TJP1: variants seen among roughly 807,000 people sequenced by gnomAD.
TJP1 encodes tight junction protein 1, also known as tight junction protein ZO-1.
Under a neutral mutation model 194.2 loss-of-function variants are expected in TJP1, and 43 were observed. That is an observed-to-expected ratio of 0.22 (90% CI 0.17 to 0.29). The LOEUF (loss-of-function observed/expected upper bound fraction) is 0.29. TJP1 is among the 10% of genes least tolerant of loss of function. The pLI is 1.00. For missense variants in TJP1, 1,971 were observed against 2,185.7 expected (o/e 0.90, Z 1.96); for synonymous variants, 801 against 779.0 (o/e 1.03, Z -0.47).
rs1316202186 is a variant in TJP1, at chr15:29,737,375, A to G, written c.1296T>C (p.Ser432=). The G allele has an allele frequency of 3.7e-6, 6 of 1,614,124 alleles. No individual in the cohort carries two copies. Among genetic ancestry groups the G allele is most frequent in the Non-Finnish European group, 5.1e-6 (6 of 1,180,012 alleles). ...TTCCACCAGCCAGCCGCAAACCCAC[A>G]CTATCTCCTTTTCTGAATTTTACCA... ...MKLVKFRKGD[S]VGLRLAGGND... Residue 432 remains serine, a synonymous_variant, in exon 11 of 28, where the codon AGT becomes AGC. Coordinates refer to ENST00000614355, the MANE Select transcript of TJP1 (RefSeq NM_001330239.4).
In TJP1 at chr15:29,708,691, G is replaced by A. The variant is rs1431781514; in HGVS notation, c.4718C>T (p.Thr1573Ile). Residue 1573 changes from threonine to isoleucine, a missense_variant, in exon 25 of 28, where the codon ACT (threonine) becomes ATT (isoleucine). This residue lies in a region of TJP1 where 1,108 missense variants were observed against 1,128.5 expected (regional missense o/e 0.98). Coordinates refer to ENST00000614355, the MANE Select transcript of TJP1 (RefSeq NM_001330239.4). ...TGCCAAACTGTGCGATTTCACAAGA[G>A]TTTTTGGAGAAGTGGGAGTTTTTGA... ...LSSKTPTSPK[T>I]LVKSHSLAQP... 3.1e-6 allele frequency: 5 copies of A among 1,614,128 alleles called. No individual in the cohort carries two copies.
chr15:29,738,834 C>A (rs941529213), intron 10 of TJP1, among the ~76,000 whole-genome samples: 2 of 131,846 alleles, frequency 1.5e-5, no homozygotes, highest in Non-Finnish European at 3.1e-5. Context: ...TGTTCCCAGC[C>A]CTGATCAACA....
chr15:29,796,994 C>T (rs989787608), intron 2 of TJP1, among the ~76,000 whole-genome samples: 1 of 151,878 alleles, frequency 6.6e-6, no homozygotes, highest in African/African-American at 2.4e-5. Context: ...GCCCGTATCT[C>T]ATGGCACAAA....
At chr15:29,861,969 G>GT in intron 2 of TJP1, among the ~76,000 whole-genome samples, 1 of 152,066 alleles carries the variant, frequency 6.6e-6, no homozygotes, top group East Asian at 1.9e-4. Flanking sequence ...AAGTCTTACA[G>GT]TTTTAGCTCT....
chr15:29,795,252 C>T (rs1473515652), intron 2 of TJP1, among the ~76,000 whole-genome samples: 2 of 151,768 alleles, frequency 1.3e-5, no homozygotes, highest in African/African-American at 4.8e-5. Flanking sequence ...GGTGAAACAC[C>T]GGCTCTACTA....
chr15:29,714,537 C>CTTTTT (rs58378713), intron 23 of TJP1, among the ~76,000 whole-genome samples: 3 of 88,984 alleles, frequency 3.4e-5, no homozygotes, highest in Non-Finnish European at 4.4e-5. Context: ...TGCGCCCAGC[C>CTTTTT]TTTTTTTTTT....
At chr15:29,880,358 G>T (rs754601497) in intron 2 of TJP1, among the ~76,000 whole-genome samples, 1 of 152,132 alleles carries the variant, frequency 6.6e-6, no homozygotes, top group African/African-American at 2.4e-5. Context: ...TTGGACATAC[G>T]CAAACATCTA....
chr15:29,772,546 C>T (rs1158816739), intron 3 of TJP1, among the ~76,000 whole-genome samples: 1 of 152,070 alleles, frequency 6.6e-6, no homozygotes, highest in African/African-American at 2.4e-5. Context: ...TTTAATTCTT[C>T]TAATTATAGT....
chr15:29,772,755 A>G (rs2046772882), intron 3 of TJP1, among the ~76,000 whole-genome samples: 1 of 152,132 alleles, frequency 6.6e-6, no homozygotes, highest in Non-Finnish European at 1.5e-5. Context: ...CAATTTTCAT[A>G]GGGATAAAGC....
chr15:29,827,913 G>A (rs1363809868), intron 2 of TJP1, among the ~76,000 whole-genome samples: 1 of 152,108 alleles, frequency 6.6e-6, no homozygotes, highest in African/African-American at 2.4e-5. Context: ...AGGTCTTTCT[G>A]TTGTGAATGC....
At chr15:29,759,929 T>A (rs1325684718) in intron 8 of TJP1, 2 of 385,568 alleles carry the variant, frequency 5.2e-6, no homozygotes, top group Non-Finnish European at 9.2e-6. Context: ...AACATGAGAG[T>A]GCAGATATCT....
chr15:29,792,370 T>G (rs1218792852), intron 2 of TJP1, among the ~76,000 whole-genome samples: 1 of 152,204 alleles, frequency 6.6e-6, no homozygotes, highest in African/African-American at 2.4e-5. Context: ...CTTTCCCCAA[T>G]GTTCTTAGTG....
At chr15:29,878,172 C>A (rs1417278340) in intron 2 of TJP1, among the ~76,000 whole-genome samples, 1 of 152,102 alleles carries the variant, frequency 6.6e-6, no homozygotes, top group Non-Finnish European at 1.5e-5. Flanking sequence ...GCCTCAGCCT[C>A]CCAAGTAGCT....
chr15:29,827,125 G>C (rs977875714), upstream of TJP1, among the ~76,000 whole-genome samples: 2 of 152,198 alleles, frequency 1.3e-5, no homozygotes, highest in African/African-American at 4.8e-5. Flanking sequence ...GTCACTTTCT[G>C]TCTGGTGGCT....
At position 29,752,318 on chromosome 15, in the gene TJP1, G is replaced by A. The variant is rs1400705541; in HGVS notation, c.1010+8821C>T. On this transcript the variant is annotated intron_variant, in intron 8 of 27. Transcript: ENST00000614355. Reference sequence around the variant, plus strand: ...GGGTTTCACCATGTTGGCCAGGCTGGTCTTGAACTCCTGACCTCAAGTGAT... The same window carrying A: ...GGGTTTCACCATGTTGGCCAGGCTGATCTTGAACTCCTGACCTCAAGTGAT... Among the ~76,000 whole-genome samples the A allele has an allele frequency of 3.3e-5, 5 of 152,232 alleles. No individual in the cohort carries two copies. The East Asian group carries it at 5.8e-4, about 18-fold the overall frequency.
chr15:29,741,734 A>G (rs1250363587), intron 9 of TJP1, among the ~76,000 whole-genome samples: 3 of 152,222 alleles, frequency 2.0e-5, no homozygotes, highest in Admixed American at 6.5e-5. Context: ...CCCAGTTAAG[A>G]CTGCCAAAGT....
chr15:29,916,214 T>C (rs1213835734), intron 2 of TJP1, among the ~76,000 whole-genome samples: 2 of 145,732 alleles, frequency 1.4e-5, no homozygotes, highest in Non-Finnish European at 3.0e-5. Context: ...TACTCCAGCC[T>C]GTGCGACAAG....
chr15:29,851,555 C>T (rs903309702), intron 2 of TJP1, among the ~76,000 whole-genome samples: 5 of 152,108 alleles, frequency 3.3e-5, no homozygotes, highest in South Asian at 2.1e-4. Context: ...AGAAGAACAA[C>T]GCCAATAAAA....
chr15:29,864,961 T>C (rs1388010638), intron 2 of TJP1, among the ~76,000 whole-genome samples: 6 of 152,200 alleles, frequency 3.9e-5, no homozygotes, highest in South Asian at 2.1e-4. Context: ...AAAGGCAAAA[T>C]TGCAGCTAAA....
Sources: allele counts gnomAD v4.1 joint callset (sites outside exome capture counted in the v4.1 genomes callset), GRCh38; gene constraint gnomAD v4.1.1; regional missense constraint gnomAD v4.1.1; transcripts MANE v1.5; gene names NCBI Gene and HGNC (gene_info 2026-07-23, HGNC 2026-07-21).